GLIS1: variants seen among roughly 807,000 people sequenced by gnomAD.
GLIS1 encodes GLIS family zinc finger 1, also known as zinc finger protein GLIS1.
In GLIS1, 24 loss-of-function variants were observed where a neutral mutation model predicts 63.8. The ratio of observed to expected loss-of-function variants is 0.38; its 90% CI spans 0.27 to 0.53. The LOEUF is 0.53. Ranked by LOEUF, GLIS1 falls within the 20% of genes least tolerant of loss-of-function variation. The pLI, the probability that GLIS1 is intolerant of heterozygous loss-of-function variation, is 0.85. For missense variants in GLIS1, 1,036 were observed against 1,074.1 expected (o/e 0.96, Z 0.50); for synonymous variants, 450 against 482.5 (o/e 0.93, Z 0.88).
chr1:53,595,047 C>G, intron 3 of GLIS1, 57 bp from the exon 4 acceptor site: 1 of 1,369,564 alleles, frequency 7.3e-7, no homozygotes, highest in Non-Finnish European at 9.4e-7. Flanking sequence ...AGAGGGAAGG[C>G]TCAGGTGGGG....
intron 2 of GLIS1, among the ~76,000 whole-genome samples, chr1:53,674,262 G>C (rs903797159): frequency 6.6e-6 from 1 of 151,940 alleles, no homozygotes; most frequent in Non-Finnish European, 1.5e-5. Flanking sequence ...GCTTTGATCA[G>C]TGCTACCCAA....
chr1:53,661,359 A>G (rs974918875), intron 2 of GLIS1, among the ~76,000 whole-genome samples: 1 of 152,186 alleles, frequency 6.6e-6, no homozygotes, highest in African/African-American at 2.4e-5. Flanking sequence ...GGAGGAGTTA[A>G]GAGGCAGGCT....
intron 2 of GLIS1, among the ~76,000 whole-genome samples, chr1:53,603,873 C>G (rs1361693021): frequency 6.6e-6 from 1 of 152,248 alleles, no homozygotes; most frequent in East Asian, 1.9e-4. Flanking sequence ...AGAGTTGGGA[C>G]TGGCTGACCA....
chr1:53,631,901 T>C (rs1273915804), intron 2 of GLIS1, among the ~76,000 whole-genome samples: 8 of 151,434 alleles, frequency 5.3e-5, no homozygotes, highest in Non-Finnish European at 1.5e-5. Context: ...AGTGGGCTGG[T>C]GTGGAGCAAG....
rs141763611 is a variant in GLIS1 at position 53,580,025 on chromosome 1, C to T, written c.1320+14083G>A. Reference sequence around the variant, plus strand: ...AACAAGGAAAATGCATGTGCAGCCACCGTCCTGATGAATAAGGGATCAGGT... The same window carrying T: ...AACAAGGAAAATGCATGTGCAGCCATCGTCCTGATGAATAAGGGATCAGGT... On this transcript the variant is annotated intron_variant, in intron 4 of 10. Coordinates refer to ENST00000628545, the MANE Select transcript of GLIS1 (RefSeq NM_001367484.1). Among the ~76,000 whole-genome samples, 11 of 152,326 alleles carry T rather than the reference C, an allele frequency of 7.2e-5. No homozygotes were observed. The East Asian group carries it at 1.9e-3, about 27-fold the overall frequency.
intron 2 of GLIS1, among the ~76,000 whole-genome samples, chr1:53,695,108 G>T (rs1245761525): frequency 4.6e-5 from 7 of 151,518 alleles, no homozygotes; most frequent in African/African-American, 1.5e-4. Flanking sequence ...TGTGTGTAAC[G>T]AAGCCCTGCA....
intron 4 of GLIS1, among the ~76,000 whole-genome samples, chr1:53,548,288 T>C (rs1238467338): frequency 1.3e-5 from 2 of 152,142 alleles, no homozygotes; most frequent in Non-Finnish European, 2.9e-5. Context: ...GACTTCAACC[T>C]TGCATGCACA....
chr1:53,649,489 A>G (rs1012811555), intron 2 of GLIS1, among the ~76,000 whole-genome samples: 37 of 152,186 alleles, frequency 2.4e-4, no homozygotes, highest in African/African-American at 8.4e-4. Context: ...AGGTTCTCAC[A>G]TATTTTTTAT....
At chr1:53,625,971 C>T (rs1327627343) in intron 2 of GLIS1, among the ~76,000 whole-genome samples, 1 of 152,168 alleles carries the variant, frequency 6.6e-6, no homozygotes, top group African/African-American at 2.4e-5. Flanking sequence ...CTGGGTTGGC[C>T]CCAGATGCCA....
intron 8 of GLIS1, among the ~76,000 whole-genome samples, chr1:53,513,858 T>C (rs1285943887): frequency 6.6e-6 from 1 of 152,170 alleles, no homozygotes; most frequent in Non-Finnish European, 1.5e-5. Flanking sequence ...AGGCAGGCCA[T>C]GGCCAAGGCT....
chr1:53,633,000 TGAGGGGTGTGAATGAGTGTGACC>T (rs1645680013), intron 2 of GLIS1, among the ~76,000 whole-genome samples: 1 of 134,650 alleles, frequency 7.4e-6, no homozygotes. Context: ...TGAGTGTGAC[TGAGGGGTGTGAATGAGTGTGACC>T]GAGGGGCATG....
intron 2 of GLIS1, among the ~76,000 whole-genome samples, chr1:53,640,642 C>T (rs1645777195): frequency 6.6e-6 from 1 of 152,202 alleles, no homozygotes; most frequent in South Asian, 2.1e-4. Flanking sequence ...CTGTCCTCCA[C>T]TCCTCCCCAG....
chr1:53,622,285 G>A (rs1645551998), intron 2 of GLIS1, among the ~76,000 whole-genome samples: 1 of 151,788 alleles, frequency 6.6e-6, no homozygotes, highest in African/African-American at 2.4e-5. Flanking sequence ...AATACTAGCT[G>A]GGTGTGGTGG....
In GLIS1 at chr1:53,658,448, C is replaced by T. The variant is rs78430141; in HGVS notation, c.260-58170G>A. On this transcript the variant is annotated intron_variant, in intron 2 of 10. Transcript: ENST00000628545. ...ATGACGCCAGAAGTTCAGTGCAGAT[C>T]CTGGCCCTAAGCAGTCTACAGGAAA... Among the ~76,000 whole-genome samples, 1,408 of 152,284 alleles carry T rather than the reference C, an allele frequency of 9.2e-3. 9 individuals carry two copies. The highest frequency in any genetic ancestry group is 0.014 in the Middle Eastern group (4 of 294).
chr1:53,656,311 T>G (rs1645965253), intron 2 of GLIS1, among the ~76,000 whole-genome samples: 1 of 152,096 alleles, frequency 6.6e-6, no homozygotes, highest in African/African-American at 2.4e-5. Flanking sequence ...TCGCCTCTCA[T>G]CAGGAGTCTG....
intron 8 of GLIS1, among the ~76,000 whole-genome samples, chr1:53,512,096 T>C (rs1392517842): frequency 6.6e-6 from 1 of 152,270 alleles, no homozygotes; most frequent in East Asian, 1.9e-4. Flanking sequence ...TTGTTTTTCC[T>C]GTCTCACTCC....
chr1:53,664,412 T>C (rs1646065769), intron 2 of GLIS1, among the ~76,000 whole-genome samples: 1 of 152,236 alleles, frequency 6.6e-6, no homozygotes, highest in African/African-American at 2.4e-5. Context: ...CAAATGGACA[T>C]ATGAATTCTC....
Position 53,560,596 on chromosome 1 carries a change from A to G in GLIS1, c.1321-30644T>C, listed in dbSNP as rs1644876665. Among the ~76,000 whole-genome samples the G allele has an allele frequency of 6.6e-6, 1 of 152,134 alleles. No individual in the cohort carries two copies. The highest frequency in any genetic ancestry group is 1.5e-5 in the Non-Finnish European group (1 of 68,004). ...TAGGTGAGACTGAAGACAGGCCCCTATTTGGCTGGTGGACCCCAGGTCCTG... is the reference window on the plus strand; with the variant it reads ...TAGGTGAGACTGAAGACAGGCCCCTGTTTGGCTGGTGGACCCCAGGTCCTG... On this transcript the variant is annotated intron_variant, in intron 4 of 10. Transcript: ENST00000628545. The surrounding 1 kb of genome is among the most constrained non-coding windows in gnomAD (Gnocchi z 4.4).
intron 2 of GLIS1, among the ~76,000 whole-genome samples, chr1:53,644,070 A>G (rs1448950561): frequency 1.3e-5 from 2 of 152,238 alleles, no homozygotes; most frequent in Admixed American, 1.3e-4. Flanking sequence ...GCAAGGCTCC[A>G]TGTTAGGGTC....
Sources: gnomAD v4.1 joint callset for allele counts (sites outside exome capture counted in the v4.1 genomes callset) on GRCh38, gnomAD v4.1.1 for gene constraint, Gnocchi (gnomAD v3.1) non-coding constraint, MANE v1.5 for transcripts, NCBI Gene and HGNC (gene_info 2026-07-23, HGNC 2026-07-21) for gene names.